The following ARHGAP24 variants were observed in gnomAD, a reference collection of about 807,000 sequenced individuals.
ARHGAP24 encodes the protein rho GTPase-activating protein 24.
A neutral mutation model predicts 76.4 loss-of-function variants in ARHGAP24; 50 were observed. That is an observed-to-expected ratio of 0.65 (90% CI 0.52 to 0.83). ARHGAP24 has a LOEUF of 0.83. Among genes scored for constraint, ARHGAP24 ranks in the 40% least tolerant of loss-of-function variants. ARHGAP24 has a pLI of 0.00. For missense variants in ARHGAP24, 930 were observed against 914.2 expected (o/e 1.02, Z -0.22); for synonymous variants, 345 against 323.3 (o/e 1.07, Z -0.72).
chr4:85,950,082 A>G (rs1737519939), intron 5 of ARHGAP24, among the ~76,000 whole-genome samples: 2 of 152,204 alleles, frequency 1.3e-5, no homozygotes, highest in African/African-American at 4.8e-5. Context: ...TCGAATGACA[A>G]GAGGCCTGTT....
intron 3 of ARHGAP24, among the ~76,000 whole-genome samples, chr4:85,816,783 G>T (rs2110118900): frequency 6.6e-6 from 1 of 152,246 alleles, no homozygotes; most frequent in East Asian, 1.9e-4. Context: ...TATATACCCA[G>T]AAGTGAGATT....
chr4:85,796,529 C>T (rs74870410), intron 3 of ARHGAP24, among the ~76,000 whole-genome samples: 1 of 152,070 alleles, frequency 6.6e-6, no homozygotes, highest in African/African-American at 2.4e-5. Flanking sequence ...GGAAGATCAG[C>T]CTTCAGGCAT....
rs902999847 is a variant in ARHGAP24 at position 85,590,055 on chromosome 4, A to G, written c.180+19334A>G. On this transcript the variant is annotated intron_variant, in intron 2 of 9. Transcript: ENST00000395184. ...TTCTTAAAGTAATACTTACTGTGTA[A>G]TCACAAGACAGTGAATTCGTAACAC... Among the ~76,000 whole-genome samples, 5 of 152,230 alleles carry G rather than the reference A, an allele frequency of 3.3e-5. 1 individual carries two copies. The highest frequency in any genetic ancestry group is 4.8e-5 in the African/African-American group (2 of 41,454).
In ARHGAP24 at chr4:85,693,130, A is replaced by G. The variant is rs148917226; in HGVS notation, c.181-28755A>G. On this transcript the variant is annotated intron_variant, in intron 2 of 9. Coordinates refer to ENST00000395184, the MANE Select transcript of ARHGAP24 (RefSeq NM_001025616.3). ...TAGATGGCAATTAAGAGTAATGTCC[A>G]GTAAATAGGCTCAAACTTGGCAGCT... Among the ~76,000 whole-genome samples, 816 of 152,330 alleles carry G rather than the reference A, an allele frequency of 5.4e-3. 7 individuals carry two copies. Among genetic ancestry groups the G allele is most frequent in the African/African-American group, 0.019 (772 of 41,572 alleles).
chr4:85,905,397 A>G (rs1287171752), intron 3 of ARHGAP24, among the ~76,000 whole-genome samples: 1 of 151,802 alleles, frequency 6.6e-6, no homozygotes, highest in Non-Finnish European at 1.5e-5. Context: ...TTTTTTTGGC[A>G]TGAAAAAAAT....
At chr4:85,621,899 T>C (rs1720730963) in intron 2 of ARHGAP24, among the ~76,000 whole-genome samples, 1 of 152,082 alleles carries the variant, frequency 6.6e-6, no homozygotes, top group Non-Finnish European at 1.5e-5. Context: ...TAATTTTAGG[T>C]CTTACATTTT....
intron 8 of ARHGAP24, among the ~76,000 whole-genome samples, chr4:85,989,440 T>C (rs1740195470): frequency 6.6e-6 from 1 of 151,646 alleles, no homozygotes. Flanking sequence ...AATTTACTGG[T>C]GAATTCTAAC....
chr4:85,670,146 C>G (rs1275119741), intron 2 of ARHGAP24, among the ~76,000 whole-genome samples: 2 of 152,258 alleles, frequency 1.3e-5, no homozygotes, highest in East Asian at 1.9e-4. Context: ...AACTGCCAAG[C>G]TTGTTTGGCT....
At chr4:85,809,859 A>G (rs141202707) in intron 3 of ARHGAP24, among the ~76,000 whole-genome samples, 1 of 152,334 alleles carries the variant, frequency 6.6e-6, no homozygotes, top group African/African-American at 2.4e-5. Flanking sequence ...ATCTACTGCT[A>G]GCATGGAAAT....
intron 3 of ARHGAP24, among the ~76,000 whole-genome samples, chr4:85,777,956 A>G (rs1284174254): frequency 2.0e-5 from 3 of 152,208 alleles, no homozygotes; most frequent in East Asian, 1.9e-4. Context: ...TATACAATCA[A>G]CAATAATCAA....
chr4:85,749,126 G>A (rs923295787), intron 3 of ARHGAP24, among the ~76,000 whole-genome samples: 1 of 152,110 alleles, frequency 6.6e-6, no homozygotes, highest in Non-Finnish European at 1.5e-5. Context: ...AATCAGCTAT[G>A]GCATCAGGAT....
chr4:85,789,608 C>T (rs780630075), intron 3 of ARHGAP24, among the ~76,000 whole-genome samples: 13 of 152,094 alleles, frequency 8.5e-5, no homozygotes, highest in Admixed American at 5.2e-4. Flanking sequence ...TACAGAAAAG[C>T]GTATTATATT....
chr4:85,562,430 G>C (rs1046262891), intron 1 of ARHGAP24, among the ~76,000 whole-genome samples: 10 of 152,064 alleles, frequency 6.6e-5, no homozygotes, highest in Non-Finnish European at 1.5e-4. Context: ...TTGTGTGTGT[G>C]TGTGTACGTG....
chr4:85,503,075 A>T (rs1196218287), intron 1 of ARHGAP24, among the ~76,000 whole-genome samples: 2 of 152,180 alleles, frequency 1.3e-5, no homozygotes, highest in African/African-American at 4.8e-5. Context: ...AGCCGACTTG[A>T]TCGTAGTGGA....
At chr4:85,851,709 G>A (rs914342339) in intron 3 of ARHGAP24, among the ~76,000 whole-genome samples, 6 of 152,134 alleles carry the variant, frequency 3.9e-5, no homozygotes, top group Non-Finnish European at 8.8e-5. Flanking sequence ...CACTTATGAA[G>A]CTTAGTTTGG....
intron 3 of ARHGAP24, among the ~76,000 whole-genome samples, chr4:85,860,317 CAG>C (rs1182429478): frequency 6.6e-6 from 1 of 152,014 alleles, no homozygotes; most frequent in Non-Finnish European, 1.5e-5. Flanking sequence ...ATATATGAGT[CAG>C]AGAATACAAT....
rs188401900 is a variant in ARHGAP24 at position 85,640,171 on chromosome 4, T to C, written c.180+69450T>C. 1.7e-3 allele frequency among the ~76,000 whole-genome samples: 262 copies of C among 152,244 alleles called. 2 individuals are homozygous for C. The highest frequency in any genetic ancestry group is 5.8e-3 in the Admixed American group (89 of 15,274). On this transcript the variant is annotated intron_variant, in intron 2 of 9. Coordinates refer to ENST00000395184, the MANE Select transcript of ARHGAP24 (RefSeq NM_001025616.3). Reference sequence around the variant, plus strand: ...CTATGAGGCCGTTAGCCACCTGCCTTATCACTCCAGGGCGAGGTACCAGAC... The same window carrying C: ...CTATGAGGCCGTTAGCCACCTGCCTCATCACTCCAGGGCGAGGTACCAGAC...
chr4:85,863,183 C>T (rs1034666852), intron 3 of ARHGAP24, among the ~76,000 whole-genome samples: 2 of 152,002 alleles, frequency 1.3e-5, no homozygotes, highest in Non-Finnish European at 2.9e-5. Flanking sequence ...TTTTTTTTAA[C>T]TTAGGCACCT....
intron 3 of ARHGAP24, among the ~76,000 whole-genome samples, chr4:85,829,379 G>C (rs1729877114): frequency 6.6e-6 from 1 of 152,120 alleles, no homozygotes; most frequent in South Asian, 2.1e-4. Context: ...AGTTTTGAAA[G>C]AAGATTCTAA....
Sources: gnomAD v4.1 joint callset for allele counts (sites outside exome capture counted in the v4.1 genomes callset) on GRCh38, gnomAD v4.1.1 for gene constraint, MANE v1.5 for transcripts, NCBI Gene and HGNC (gene_info 2026-07-23, HGNC 2026-07-21) for gene names.